CD180: variants seen among roughly 807,000 people sequenced by gnomAD.
The protein encoded by CD180 is CD180 molecule.
In CD180, 11 loss-of-function variants were observed where a neutral mutation model predicts 10.7. The observed-to-expected ratio is 1.03, with a 90% confidence interval of 0.65 to 1.70. CD180 has a LOEUF of 1.70. Among genes scored for constraint, CD180 ranks in the 40% most tolerant of loss-of-function variants. The pLI, the probability that CD180 is intolerant of heterozygous loss-of-function variation, is 0.00. For synonymous variants in CD180, 286 were observed against 294.6 expected (o/e 0.97, Z 0.30); for missense variants, 729 against 775.2 (o/e 0.94, Z 0.71).
intron 2 of CD180, among the ~76,000 whole-genome samples, chr5:67,185,288 TACACACACACACACACAC>T (rs138274022): frequency 7.7e-6 from 1 of 130,074 alleles, no homozygotes; most frequent in Non-Finnish European, 1.6e-5. Context: ...TGTCCCCTCT[TACACACACACACACACAC>T]ACACACACAC....
At chr5:67,196,286 A>G (rs1210841797) in intron 1 of CD180, among the ~76,000 whole-genome samples, 5 of 152,122 alleles carry the variant, frequency 3.3e-5, no homozygotes, top group Admixed American at 3.3e-4. Context: ...CCCTATTAAT[A>G]TCTTATGACC....
intron 2 of CD180, among the ~76,000 whole-genome samples, chr5:67,185,517 A>G (rs535267402): frequency 6.6e-6 from 1 of 152,280 alleles, no homozygotes; most frequent in East Asian, 1.9e-4. Context: ...CTTAAATGTA[A>G]TTACCCAAAA....
chr5:67,184,573 G>C lies in CD180; in HGVS notation c.270C>G (p.Asn90Lys). The C allele has an allele frequency of 6.3e-7, 1 of 1,588,854 alleles. No individual in the cohort carries two copies. The highest frequency in any genetic ancestry group is 8.6e-7 in the Non-Finnish European group (1 of 1,160,922). The change falls in exon 3 of 3, where the codon AAC (asparagine) becomes AAG (lysine). Residue 90 changes from asparagine to lysine, a missense_variant. By Grantham distance (94) the Asn-to-Lys change is moderately conservative. Transcript: ENST00000256447. Reference sequence around the variant, plus strand: ...TTTGAAAAGTGTCTTCATGTATCCAGTTAATCTGGCACCTTGAAAAGATAA... The same window carrying C: ...TTTGAAAAGTGTCTTCATGTATCCACTTAATCTGGCACCTTGAAAAGATAA... ...TFLDLTRCQINWIHEDTFQSH... is the reference protein window; with the variant it reads ...TFLDLTRCQIKWIHEDTFQSH...
At chr5:67,188,041 A>T (rs1561236387) in intron 1 of CD180, among the ~76,000 whole-genome samples, 1 of 152,088 alleles carries the variant, frequency 6.6e-6, no homozygotes, top group Non-Finnish European at 1.5e-5. Context: ...GTGGTTGCGC[A>T]TGCCTGTAAT....
rs745583514 is a variant in CD180, at chr5:67,184,597, A to C, written c.258-12T>G. The C allele has an allele frequency of 4.5e-6, 7 of 1,569,332 alleles. No homozygotes were observed. Among genetic ancestry groups the C allele is most frequent in the Middle Eastern group, 1.7e-4 (1 of 5,908 alleles). On this transcript the variant is annotated splice_polypyrimidine_tract_variant and intron_variant, in intron 2 of 2. Coordinates refer to ENST00000256447, the MANE Select transcript of CD180 (RefSeq NM_005582.3). ...AGTTAATCTGGCACCTTGAAAAGAT[A>C]ATCGTATTTAACAATAATTCATTTG...
rs1381168540 is a variant in CD180, at chr5:67,196,688, G to A, written c.-47C>T. The A allele has an allele frequency of 1.2e-6, 2 of 1,605,706 alleles. No individual in the cohort carries two copies. The highest frequency in any genetic ancestry group is 1.7e-6 in the Non-Finnish European group (2 of 1,174,864). On this transcript the variant is annotated 5_prime_UTR_variant, in exon 1 of 3. Transcript: ENST00000256447. ...GGGTTTACCTAATGCTTGGAGCTGA[G>A]AAATGGAATCAAACTGTGAAGGCCC...
chr5:67,183,714 A>T lies in CD180; in HGVS notation c.1129T>A (p.Leu377Ile), dbSNP rs1742111720. 1 of 1,614,166 alleles carries T rather than the reference A, an allele frequency of 6.2e-7. No homozygotes were observed. Among genetic ancestry groups the T allele is most frequent in the African/African-American group, 1.3e-5 (1 of 75,040 alleles). ...GAAGCCTCTATGTCATTATGGCTTAAATCAAGTGTCTGAAGGTTTCCTAGT... is the reference window on the plus strand; with the variant it reads ...GAAGCCTCTATGTCATTATGGCTTATATCAAGTGTCTGAAGGTTTCCTAGT... Reference protein sequence around the residue: ...EKLGNLQTLDLSHNDIEASDC... With the variant: ...EKLGNLQTLDISHNDIEASDC... Residue 377 changes from leucine (L) to isoleucine (I), a missense_variant, in exon 3 of 3, where the codon TTA (leucine) becomes ATA (isoleucine). By Grantham distance (5) the Leu-to-Ile change is conservative. Transcript: ENST00000256447.
intron 1 of CD180, among the ~76,000 whole-genome samples, chr5:67,191,640 C>T (rs1286978565): frequency 5.9e-5 from 9 of 152,148 alleles, no homozygotes; most frequent in Non-Finnish European, 1.2e-4. Context: ...TCACAGAACA[C>T]GAATTCCAGC....
intron 1 of CD180, among the ~76,000 whole-genome samples, chr5:67,189,046 G>T (rs1341258561): frequency 1.3e-5 from 2 of 152,162 alleles, no homozygotes; most frequent in Non-Finnish European, 2.9e-5. Flanking sequence ...TGCCCCAGTA[G>T]TTGCAAAGGT....
At chr5:67,194,001 C>T (rs1392729003) in intron 1 of CD180, among the ~76,000 whole-genome samples, 1 of 152,136 alleles carries the variant, frequency 6.6e-6, no homozygotes, top group East Asian at 1.9e-4. Context: ...TGTCATGCCT[C>T]CCAAATGTCT....
intron 2 of CD180, among the ~76,000 whole-genome samples, chr5:67,185,110 A>G (rs1383479412): frequency 7.1e-6 from 1 of 140,664 alleles, no homozygotes; most frequent in Non-Finnish European, 1.5e-5. Flanking sequence ...TCCTCATCTA[A>G]CCATAAGTTG....
rs1316683898 is a variant in CD180, at chr5:67,179,714, G to C, written c.*3143C>G. ...CAGTTTTCTGTCTTGGAATTTTACA[G>C]ATATTGCCTGTGTTCAAGGGCTGTG... On this transcript the variant is annotated 3_prime_UTR_variant, in exon 3 of 3. Coordinates refer to ENST00000256447, the MANE Select transcript of CD180 (RefSeq NM_005582.3). The C allele has an allele frequency of 6.6e-6, 1 of 152,244 alleles. No individual in the cohort carries two copies. Among genetic ancestry groups the C allele is most frequent in the African/African-American group, 2.4e-5 (1 of 41,470 alleles). The allele number at this position is 152,244 out of a possible 1,614,324, so 9.4% of individuals were successfully genotyped here.
Position 67,183,941 on chromosome 5 carries a change from T to G in CD180, c.902A>C (p.Gln301Pro), listed in dbSNP as rs758123041. The change falls in exon 3 of 3, where the codon CAA (glutamine) becomes CCA (proline). Residue 301 changes from glutamine (Q) to proline (P), a missense_variant. Physicochemically the swap from Gln to Pro is moderately conservative, Grantham distance 76. Transcript: ENST00000256447. ...GTGAGTTGCTGTCAGATCCAATTCT[T>G]GGAGTTGGGTGAAGCACTGAAATGT... The part of the protein sequence containing the change: ...STTFQCFTQL[Q>P]ELDLTATHLK... 6.2e-7 allele frequency: 1 copy of G among 1,614,170 alleles called. No individual in the cohort carries two copies. Among genetic ancestry groups the G allele is most frequent in the South Asian group, 1.1e-5 (1 of 91,078 alleles).
rs1457526728 is a variant in CD180, at chr5:67,196,540, GT to G, written c.90+11del. ...AGTTTAATCTGCATAAAGACAAACA[GT>G]TTGGACTCACCTCAATGCACATCTG... On this transcript the variant is annotated intron_variant, in intron 1 of 2. Transcript: ENST00000256447. 1 of 1,613,894 alleles carries G rather than the reference GT, an allele frequency of 6.2e-7. No individual in the cohort carries two copies. The highest frequency in any genetic ancestry group is 1.1e-5 in the South Asian group (1 of 91,078).
intron 1 of CD180, among the ~76,000 whole-genome samples, chr5:67,187,540 A>G (rs573545122): frequency 3.2e-4 from 48 of 152,300 alleles, no homozygotes; most frequent in Admixed American, 2.6e-3. Context: ...AATACAAGTT[A>G]TGTGTTGAAC....
chr5:67,182,822 G>A lies in CD180; in HGVS notation c.*35C>T. 2 of 1,537,226 alleles carry A rather than the reference G, an allele frequency of 1.3e-6. No homozygotes were observed. Among genetic ancestry groups the A allele is most frequent in the Non-Finnish European group, 1.8e-6 (2 of 1,141,336 alleles). On this transcript the variant is annotated 3_prime_UTR_variant, in exon 3 of 3. Transcript: ENST00000256447. ...CTTTCACTTAGAGCAATTTTGCTAA[G>A]CACACTTATTTGCTTTCTCTGGAAA...
In CD180 at chr5:67,183,211, C is replaced by T. The variant is rs1398523146; in HGVS notation, c.1632G>A (p.Lys544=). Residue 544 remains lysine (K), a synonymous_variant, in exon 3 of 3, where the codon AAG becomes AAA. Transcript: ENST00000256447. ...TGGCAGCCAGATTGAGGTAGATTCC[C>T]TTAAGATGGCTAAGAGAATCAATGC... is the stretch of plus-strand genomic sequence containing the variant. The part of the protein sequence containing the change: ...CDSIDSLSHL[K]GIYLNLAANS... The T allele has an allele frequency of 4.3e-6, 7 of 1,612,814 alleles. No individual in the cohort carries two copies. Among genetic ancestry groups the T allele is most frequent in the Admixed American group, 3.3e-5 (2 of 59,938 alleles).
intron 1 of CD180, among the ~76,000 whole-genome samples, chr5:67,190,353 A>G (rs1020134591): frequency 6.6e-6 from 1 of 152,242 alleles, no homozygotes; most frequent in South Asian, 2.1e-4. Context: ...GAGAAGGAAC[A>G]CTGGGCCCCA....
At chr5:67,194,056 A>T (rs1342637145) in intron 1 of CD180, among the ~76,000 whole-genome samples, 1 of 152,234 alleles carries the variant, frequency 6.6e-6, no homozygotes, top group Non-Finnish European at 1.5e-5. Context: ...TATGACAGCA[A>T]GAGAAATATG....
Sources: allele counts gnomAD v4.1 joint callset (sites outside exome capture counted in the v4.1 genomes callset), GRCh38; gene constraint gnomAD v4.1.1; transcripts MANE v1.5; gene names NCBI Gene and HGNC (gene_info 2026-07-23, HGNC 2026-07-21).